UGGT1: variants seen among roughly 807,000 people sequenced by gnomAD.
The protein encoded by UGGT1 is UDP-glucose glycoprotein glucosyltransferase 1.
A neutral mutation model predicts 203.9 loss-of-function variants in UGGT1; 107 were observed. The observed-to-expected ratio is 0.52, with a 90% CI of 0.45 to 0.62. UGGT1 has a LOEUF of 0.62. Ranked by LOEUF, UGGT1 falls within the 20% of genes least tolerant of loss-of-function variation. The pLI is 0.00. For missense variants in UGGT1, 1,673 were observed against 1,867.2 expected, an observed-to-expected ratio of 0.90 and a Z score of 1.92; for synonymous variants, 628 against 653.5, an observed-to-expected ratio of 0.96 and a Z score of 0.59.
Position 128,103,925 on chromosome 2 carries a change from C to T in UGGT1, c.195-7C>T, listed in dbSNP as rs768619321. On this transcript the variant is annotated splice_polypyrimidine_tract_variant and splice_region_variant and intron_variant, in intron 2 of 40. Coordinates refer to ENST00000259253, the MANE Select transcript of UGGT1 (RefSeq NM_020120.4). ...TAAGTTGTTTTATTTCTGATCTTTTCTCCCAGTGAGTTTTTAGCAGAAGAC... is the reference window on the plus strand; with the variant it reads ...TAAGTTGTTTTATTTCTGATCTTTTTTCCCAGTGAGTTTTTAGCAGAAGAC... 2 of 1,576,852 alleles carry T rather than the reference C, an allele frequency of 1.3e-6. No homozygotes were observed. Among genetic ancestry groups the T allele is most frequent in the South Asian group, 2.4e-5 (2 of 83,014 alleles).
chr2:128,127,204 C>T (rs1460865388), intron 11 of UGGT1, among the ~76,000 whole-genome samples, 157 bp from the exon 12 acceptor site: 3 of 152,146 alleles, frequency 2.0e-5, no homozygotes, highest in Non-Finnish European at 4.4e-5. Flanking sequence ...GTATTATCCC[C>T]TGTCTTACTT....
chr2:128,191,281 T>A lies in UGGT1; in HGVS notation c.*1539T>A, dbSNP rs1225347130. The A allele has an allele frequency of 6.6e-6, 1 of 152,244 alleles. No homozygotes were observed. The highest frequency in any genetic ancestry group is 1.5e-5 in the Non-Finnish European group (1 of 68,044). 9.4% of individuals were successfully genotyped at this position (152,244 alleles called of 1,614,324 possible). A position where few individuals can be genotyped will look rare whatever the true frequency, so the allele number is the denominator to read the frequency against. On this transcript the variant is annotated 3_prime_UTR_variant, in exon 41 of 41. Transcript: ENST00000259253. ...CTTATCACAAATATCAAGTAATTTA[T>A]TTTTTCCATTTTCAAATGCAAAAGT...
chr2:128,134,767 G>A (rs552456826), intron 14 of UGGT1, 109 bp from the exon 15 acceptor site: 52 of 858,816 alleles, frequency 6.1e-5, no homozygotes, highest in Admixed American at 5.5e-4. Flanking sequence ...TGGTTCAAGC[G>A]TAGCTCGAAA....
chr2:128,174,948 C>A, intron 31 of UGGT1, 90 bp downstream of exon 31: 3 of 1,098,778 alleles, frequency 2.7e-6, no homozygotes, highest in Non-Finnish European at 3.9e-6. Flanking sequence ...GTTAGCCAGG[C>A]AACATGAATT....
At chr2:128,121,369 T>C (rs933828316) in intron 10 of UGGT1, 71 bp downstream of exon 10, 25 of 1,041,696 alleles carry the variant, frequency 2.4e-5, no homozygotes, top group Non-Finnish European at 2.8e-5. Flanking sequence ...CCAAATGAGG[T>C]AATAACAATA....
intron 4 of UGGT1, among the ~76,000 whole-genome samples, chr2:128,108,465 G>A (rs149125717): frequency 2.6e-5 from 4 of 152,172 alleles, no homozygotes; most frequent in African/African-American, 9.6e-5. Flanking sequence ...AGGAATCGTT[G>A]TAGTAAAGTA....
Position 128,161,189 on chromosome 2 carries a change from C to T in UGGT1, c.2746C>T (p.Leu916Phe), listed in dbSNP as rs372965661. The T allele has an allele frequency of 1.1e-5, 17 of 1,614,032 alleles. No individual in the cohort carries two copies. Among genetic ancestry groups the T allele is most frequent in the Non-Finnish European group, 1.4e-5 (17 of 1,179,980 alleles). ...SELFNQDDFH[L>F]LENIILKTSG... is the part of the protein sequence containing the mutation. Reference sequence around the variant, plus strand: ...GCTCTTTAATCAAGACGATTTCCACCTCCTCGAAAATATCATCTTAAAAAC... The same window carrying T: ...GCTCTTTAATCAAGACGATTTCCACTTCCTCGAAAATATCATCTTAAAAAC... Residue 916 changes from leucine to phenylalanine, a missense_variant, in exon 25 of 41, where the codon CTC (leucine) becomes TTC (phenylalanine). Leu to Phe is a conservative substitution (Grantham distance 22, BLOSUM62 0). Coordinates refer to ENST00000259253, the MANE Select transcript of UGGT1 (RefSeq NM_020120.4).
intron 37 of UGGT1, 31 bp downstream of exon 37, chr2:128,182,321 AC>A: frequency 6.4e-7 from 1 of 1,573,182 alleles, no homozygotes; most frequent in Non-Finnish European, 8.6e-7. Flanking sequence ...TAACACTGTT[AC>A]GGGGTTTTCC....
At chr2:128,168,369 A>G (rs1312712425) in intron 26 of UGGT1, among the ~76,000 whole-genome samples, 3 of 152,256 alleles carry the variant, frequency 2.0e-5, no homozygotes, top group Admixed American at 6.5e-5. Context: ...ACCTACCTCA[A>G]CACAGATACA....
chr2:128,138,598 T>C, intron 15 of UGGT1, 119 bp from the exon 16 acceptor site: 1 of 1,206,812 alleles, frequency 8.3e-7, no homozygotes, highest in Non-Finnish European at 1.1e-6. Flanking sequence ...ACTGTGCTTT[T>C]CACTCAAAGA....
At position 128,190,138 on chromosome 2, in the gene UGGT1, G is replaced by A. The variant is rs1047126658; in HGVS notation, c.*396G>A. The A allele has an allele frequency of 5.6e-6, 1 of 177,654 alleles. No individual in the cohort carries two copies. Among genetic ancestry groups the A allele is most frequent in the Non-Finnish European group, 1.2e-5 (1 of 82,430 alleles). The allele number at this position is 177,654 out of a possible 1,614,324, so 11.0% of individuals were successfully genotyped here. On this transcript the variant is annotated 3_prime_UTR_variant, in exon 41 of 41. Transcript: ENST00000259253. ...TGTTCTTCCTTACCTCAGTTTACCT[G>A]CGGCCTGCGCTGCACTGCAGATGCC... is the stretch of plus-strand genomic sequence containing the variant.
At chr2:128,139,726 C>A in intron 16 of UGGT1, 1 of 154,554 alleles carries the variant, frequency 6.5e-6, no homozygotes, top group South Asian at 1.9e-4. Context: ...GGGTTCAGCT[C>A]ACATCATTCA....
intron 8 of UGGT1, among the ~76,000 whole-genome samples, chr2:128,117,054 C>A (rs560635546): frequency 1.3e-5 from 2 of 151,976 alleles, no homozygotes. Context: ...TTTATACATG[C>A]TCAATGGGAA....
intron 25 of UGGT1, among the ~76,000 whole-genome samples, chr2:128,163,754 A>G (rs1690648218): frequency 6.6e-6 from 1 of 152,196 alleles, no homozygotes; most frequent in Non-Finnish European, 1.5e-5. Flanking sequence ...AGGGACAATA[A>G]AATTCTTTTT....
At chr2:128,107,878 A>G (rs1228947352) in intron 3 of UGGT1, 60 bp from the exon 4 acceptor site, 4 of 1,605,660 alleles carry the variant, frequency 2.5e-6, no homozygotes, top group Admixed American at 1.7e-5. Flanking sequence ...TTCATGAACT[A>G]TCTTCTTTAG....
At chr2:128,101,648 G>T (rs1178094044) in intron 2 of UGGT1, among the ~76,000 whole-genome samples, 1 of 152,116 alleles carries the variant, frequency 6.6e-6, no homozygotes, top group Non-Finnish European at 1.5e-5. Flanking sequence ...CTAACTCTAT[G>T]TCCCTAAGAA....
chr2:128,119,496 C>T (rs1312574094), intron 8 of UGGT1, among the ~76,000 whole-genome samples: 5 of 151,990 alleles, frequency 3.3e-5, no homozygotes, highest in Admixed American at 3.3e-4. Flanking sequence ...ATGTACTAGC[C>T]GTCTGTCTGA....
At chr2:128,179,589 C>A (rs1223593128) in intron 34 of UGGT1, among the ~76,000 whole-genome samples, 197 bp from the exon 35 acceptor site, 2 of 152,214 alleles carry the variant, frequency 1.3e-5, no homozygotes, top group Non-Finnish European at 2.9e-5. Flanking sequence ...AATGCCCCTT[C>A]TCTTTAGTGA....
At chr2:128,165,771 T>TA (rs781757027) in intron 26 of UGGT1, among the ~76,000 whole-genome samples, 131 of 146,806 alleles carry the variant, frequency 8.9e-4, no homozygotes, top group South Asian at 3.4e-3. Flanking sequence ...AAACTTTTTT[T>TA]AAAAAAAAAA....
Sources: gnomAD v4.1 joint callset for allele counts (sites outside exome capture counted in the v4.1 genomes callset) on GRCh38, gnomAD v4.1.1 for gene constraint, MANE v1.5 for transcripts, NCBI Gene and HGNC (gene_info 2026-07-23, HGNC 2026-07-21) for gene names.